The following RPRD1A variants were observed in gnomAD, a reference collection of about 807,000 sequenced individuals.
RPRD1A encodes regulation of nuclear pre-mRNA domain containing 1A.
A neutral mutation model predicts 37.8 loss-of-function variants in RPRD1A; 9 were observed. The ratio of observed to expected loss-of-function variants is 0.24; its 90% confidence interval spans 0.14 to 0.42. RPRD1A has a LOEUF of 0.42. Among genes scored for constraint, RPRD1A ranks in the 10% least tolerant of loss-of-function variants. The pLI is 1.00. For missense variants in RPRD1A, 255 were observed against 371.0 expected (o/e 0.69, Z 2.57); for synonymous variants, 138 against 139.7 (o/e 0.99, Z 0.08).
chr18:36,031,551 C>T (rs1449447872), intron 2 of RPRD1A, among the ~76,000 whole-genome samples: 2 of 152,044 alleles, frequency 1.3e-5, no homozygotes, highest in Non-Finnish European at 2.9e-5. Context: ...TTAAGACAGA[C>T]CTGGCCCTGT....
In RPRD1A at chr18:35,998,161, C is replaced by T. The variant is rs28457655; in HGVS notation, c.790-4861G>A. Among the ~76,000 whole-genome samples the T allele has an allele frequency of 2.5e-3, 387 of 152,228 alleles. 4 individuals carry two copies. Among genetic ancestry groups the T allele is most frequent in the African/African-American group, 8.7e-3 (361 of 41,550 alleles). ...ATCACCTGAGGTCACGAGTTCAAGACCAGCCTGGCCAACATGGTGAAACCC... is the reference window on the plus strand; with the variant it reads ...ATCACCTGAGGTCACGAGTTCAAGATCAGCCTGGCCAACATGGTGAAACCC... On this transcript the variant is annotated intron_variant, in intron 6 of 6. Transcript: ENST00000399022.
intron 1 of RPRD1A, among the ~76,000 whole-genome samples, chr18:36,044,398 C>T (rs34490015): frequency 6.6e-6 from 1 of 152,086 alleles, no homozygotes; most frequent in African/African-American, 2.4e-5. Context: ...TTAATAAAAG[C>T]AGATCAAAGC....
At chr18:36,034,851 C>T (rs1337527070) in intron 1 of RPRD1A, among the ~76,000 whole-genome samples, 1 of 152,166 alleles carries the variant, frequency 6.6e-6, no homozygotes, top group Non-Finnish European at 1.5e-5. Flanking sequence ...ATTAAAAAGT[C>T]ACCTCTGAGT....
At position 36,033,299 on chromosome 18, in the gene RPRD1A, CAAAAAAAAAAAAAA is replaced by C. The variant is rs71166085; in HGVS notation, c.281+395_281+408del. ...CCTGGGTGAGAGTGAGACTCTGTCT[CAAAAAAAAAAAAAA>C]AAAAAAAAAAAAGAATAGAAACAGT... On this transcript the variant is annotated intron_variant, in intron 2 of 6. Coordinates refer to ENST00000399022, the MANE Select transcript of RPRD1A (RefSeq NM_018170.5). Among the ~76,000 whole-genome samples, 446 of 75,972 alleles carry C rather than the reference CAAAAAAAAAAAAAA, an allele frequency of 5.9e-3. 7 individuals carry two copies. The highest frequency in any genetic ancestry group is 0.024 in the African/African-American group (421 of 17,224). 49.8% of individuals were successfully genotyped at this position (75,972 alleles called of 152,430 possible). A position where few individuals can be genotyped will look rare whatever the true frequency, so the allele number is the denominator to read the frequency against.
chr18:36,057,934 T>C (rs1913907840), intron 1 of RPRD1A, among the ~76,000 whole-genome samples: 1 of 152,254 alleles, frequency 6.6e-6, no homozygotes, highest in African/African-American at 2.4e-5. Flanking sequence ...GGCTGATATG[T>C]AAGCTCCATG....
At chr18:36,008,964 C>T (rs1909993676) in intron 6 of RPRD1A, among the ~76,000 whole-genome samples, 2 of 152,102 alleles carry the variant, frequency 1.3e-5, no homozygotes, top group South Asian at 4.1e-4. Flanking sequence ...TAAGGACACC[C>T]TGTTTTCTGA....
At chr18:35,996,683 G>A (rs1909082055) in intron 6 of RPRD1A, among the ~76,000 whole-genome samples, 1 of 152,080 alleles carries the variant, frequency 6.6e-6, no homozygotes, top group African/African-American at 2.4e-5. Flanking sequence ...GATGCAACTT[G>A]GTTAAAAATA....
intron 4 of RPRD1A, among the ~76,000 whole-genome samples, chr18:36,030,478 G>A (rs1355876311): frequency 6.6e-6 from 1 of 150,486 alleles, no homozygotes; most frequent in African/African-American, 2.4e-5. Context: ...GTGAAACTCC[G>A]TCTCAAAAAA....
intron 6 of RPRD1A, among the ~76,000 whole-genome samples, chr18:36,016,613 A>G (rs1359888177): frequency 6.6e-6 from 1 of 152,128 alleles, no homozygotes; most frequent in East Asian, 1.9e-4. Flanking sequence ...ATTTATGAGA[A>G]GACTATCACA....
At chr18:36,020,665 G>A (rs1168564132) in intron 6 of RPRD1A, among the ~76,000 whole-genome samples, 2 of 151,930 alleles carry the variant, frequency 1.3e-5, no homozygotes, top group Admixed American at 1.3e-4. Context: ...CCTCATCTCT[G>A]CAAAAAAATA....
intron 1 of RPRD1A, among the ~76,000 whole-genome samples, chr18:36,062,311 G>A (rs1181721298): frequency 8.4e-6 from 1 of 118,360 alleles, no homozygotes; most frequent in African/African-American, 3.5e-5. Flanking sequence ...GCGACAGAGC[G>A]AGACTCCGTC....
At chr18:36,044,398 C>G (rs34490015) in intron 1 of RPRD1A, among the ~76,000 whole-genome samples, 13,412 of 152,182 alleles carry the variant, frequency 0.088, 802 homozygotes, top group Non-Finnish European at 0.12. Context: ...TTAATAAAAG[C>G]AGATCAAAGC....
intron 2 of RPRD1A, among the ~76,000 whole-genome samples, chr18:36,032,942 G>T (rs1183593029): frequency 6.6e-6 from 1 of 152,166 alleles, no homozygotes; most frequent in Admixed American, 6.5e-5. Flanking sequence ...GCATAAAACT[G>T]TAAGTCATTA....
chr18:36,049,952 T>C (rs550636933), intron 1 of RPRD1A, among the ~76,000 whole-genome samples: 75 of 152,306 alleles, frequency 4.9e-4, no homozygotes, highest in African/African-American at 1.7e-3. Flanking sequence ...CCAGGGTTCT[T>C]GTTTTGACAT....
At chr18:36,014,648 C>G (rs1198354496) in intron 6 of RPRD1A, among the ~76,000 whole-genome samples, 1 of 152,126 alleles carries the variant, frequency 6.6e-6, no homozygotes, top group African/African-American at 2.4e-5. Flanking sequence ...GAGGCTGAGG[C>G]AGGAGAATGG....
Position 36,061,603 on chromosome 18 carries a change from T to C in RPRD1A, c.151+5651A>G, listed in dbSNP as rs139549572. 3.7e-3 allele frequency among the ~76,000 whole-genome samples: 559 copies of C among 152,372 alleles called. 5 individuals are homozygous for C. Among genetic ancestry groups the C allele is most frequent in the African/African-American group, 0.012 (513 of 41,588 alleles). On this transcript the variant is annotated intron_variant, in intron 1 of 6. Transcript: ENST00000399022. The stretch of plus-strand genomic sequence containing the variant: ...ATATTTCTACAGAAATGAATATAAA[T>C]TAATGATGTATATTAAGTTTTAAAA...
intron 1 of RPRD1A, among the ~76,000 whole-genome samples, chr18:36,060,750 G>A (rs2088892567): frequency 6.6e-6 from 1 of 152,040 alleles, no homozygotes; most frequent in South Asian, 2.1e-4. Flanking sequence ...ATAGCTTATT[G>A]AAAAAGTGAT....
chr18:36,042,137 C>T (rs1202422047), intron 1 of RPRD1A, among the ~76,000 whole-genome samples: 1 of 152,152 alleles, frequency 6.6e-6, no homozygotes, highest in African/African-American at 2.4e-5. Context: ...CACTATCCTC[C>T]AAGTTCCCCA....
intron 6 of RPRD1A, chr18:36,026,251 A>G (rs1405908427): frequency 6.6e-6 from 1 of 152,466 alleles, no homozygotes; most frequent in Admixed American, 6.5e-5. Flanking sequence ...CAATTTAAAC[A>G]AGAACTCATC....
Sources: gnomAD v4.1 joint callset for allele counts (sites outside exome capture counted in the v4.1 genomes callset) on GRCh38, gnomAD v4.1.1 for gene constraint, MANE v1.5 for transcripts, NCBI Gene and HGNC (gene_info 2026-07-23, HGNC 2026-07-21) for gene names.